FOXP1: variants seen among roughly 807,000 people sequenced by gnomAD.
FOXP1 encodes the protein forkhead box protein P1.
Under a neutral mutation model 98.2 loss-of-function variants are expected in FOXP1, and 15 were observed. The ratio of observed to expected loss-of-function variants is 0.15; its 90% CI spans 0.10 to 0.24. The LOEUF (loss-of-function observed/expected upper bound fraction) is 0.24. Among genes scored for constraint, FOXP1 ranks in the 10% least tolerant of loss-of-function variants. The pLI is 1.00. For missense variants in FOXP1, 633 were observed against 848.5 expected (o/e 0.75, Z 3.15); for synonymous variants, 371 against 314.5 (o/e 1.18, Z -1.90).
intron 3 of FOXP1, among the ~76,000 whole-genome samples, chr3:71,411,280 T>TGTGC (rs2082712628): frequency 3.3e-5 from 1 of 30,734 alleles, no homozygotes; most frequent in Admixed American, 2.8e-4. Context: ...TGAATGGGCG[T>TGTGC]GTGTGTGTGT....
At chr3:71,370,003 T>C (rs1027554419) in intron 3 of FOXP1, among the ~76,000 whole-genome samples, 3 of 152,074 alleles carry the variant, frequency 2.0e-5, no homozygotes, top group African/African-American at 4.8e-5. Context: ...GTGGAAGAAA[T>C]GACCTGCAAG....
intron 2 of FOXP1, chr3:71,580,863 A>G: frequency 1.0e-6 from 1 of 985,432 alleles, no homozygotes; most frequent in Non-Finnish European, 1.2e-6. Context: ...TGCCTTTCAA[A>G]GGGAATCCAG....
At chr3:70,970,870 T>G in intron 18 of FOXP1, 65 bp from the exon 19 acceptor site, 1 of 1,317,138 alleles carries the variant, frequency 7.6e-7, no homozygotes, top group East Asian at 2.3e-5. Context: ...CTAGCTAAGT[T>G]TTGTTTTAAG....
intron 7 of FOXP1, among the ~76,000 whole-genome samples, chr3:71,098,693 G>A (rs981163207): frequency 6.6e-6 from 1 of 152,154 alleles, no homozygotes. Context: ...AAGTGTCTAT[G>A]CTTTATGTCA....
chr3:71,351,118 T>C (rs1380592468), intron 4 of FOXP1, among the ~76,000 whole-genome samples: 3 of 152,112 alleles, frequency 2.0e-5, no homozygotes, highest in Non-Finnish European at 4.4e-5. Context: ...AACAGACTCA[T>C]GAAAGGTTAT....
chr3:71,178,834 A>G (rs1255886444), intron 6 of FOXP1, among the ~76,000 whole-genome samples: 2 of 151,856 alleles, frequency 1.3e-5, no homozygotes, highest in Non-Finnish European at 2.9e-5. Flanking sequence ...CAGTGAGCCA[A>G]GATCGCACCA....
intron 6 of FOXP1, among the ~76,000 whole-genome samples, chr3:71,144,554 G>A (rs528847416): frequency 6.6e-6 from 1 of 152,182 alleles, no homozygotes; most frequent in African/African-American, 2.4e-5. Flanking sequence ...TGGGCAAAAG[G>A]CTGAGCGTGA....
rs2031725915 is a variant in FOXP1 at position 70,956,156 on chromosome 3, T to A, written c.*3091A>T. The A allele has an allele frequency of 4.3e-6, 1 of 233,264 alleles. No homozygotes were observed. Among genetic ancestry groups the A allele is most frequent in the East Asian group, 6.0e-5 (1 of 16,560 alleles). 14.4% of individuals were successfully genotyped at this position (233,264 alleles called of 1,614,324 possible). On this transcript the variant is annotated 3_prime_UTR_variant, in exon 21 of 21. Coordinates refer to ENST00000649528, the MANE Select transcript of FOXP1 (RefSeq NM_001349338.3). ...ACAGGTGTATGCATTTATTCCTTTT[T>A]AGGAACAATATCTAAAAAAAGAACC...
At chr3:71,462,502 T>C (rs2088237683) in intron 3 of FOXP1, among the ~76,000 whole-genome samples, 1 of 152,208 alleles carries the variant, frequency 6.6e-6, no homozygotes, top group Non-Finnish European at 1.5e-5. Context: ...ACTACACAGA[T>C]AAAGTTCTCC....
chr3:71,156,509 G>C (rs574017938), intron 6 of FOXP1, among the ~76,000 whole-genome samples: 6 of 64,936 alleles, frequency 9.2e-5, no homozygotes, highest in Non-Finnish European at 1.5e-4. Context: ...AGCCTGGGAG[G>C]GGGGGAAAAG....
chr3:71,061,792 C>A (rs762720852), intron 7 of FOXP1, among the ~76,000 whole-genome samples: 2 of 152,158 alleles, frequency 1.3e-5, no homozygotes, highest in Non-Finnish European at 2.9e-5. Context: ...TACAACTAAA[C>A]CACATAATAA....
At chr3:71,406,849 C>G (rs2082380857) in intron 3 of FOXP1, among the ~76,000 whole-genome samples, 1 of 152,060 alleles carries the variant, frequency 6.6e-6, no homozygotes, top group South Asian at 2.1e-4. Flanking sequence ...AGTATACAAG[C>G]CTCCTGCTTG....
intron 2 of FOXP1, among the ~76,000 whole-genome samples, chr3:71,562,613 C>T (rs1006678638): frequency 6.6e-6 from 1 of 152,184 alleles, no homozygotes; most frequent in Non-Finnish European, 1.5e-5. Flanking sequence ...ATCCTTACAA[C>T]AACCCAGACA....
At chr3:71,064,453 G>A (rs1280876047) in intron 7 of FOXP1, among the ~76,000 whole-genome samples, 1 of 151,244 alleles carries the variant, frequency 6.6e-6, no homozygotes, top group Non-Finnish European at 1.5e-5. Context: ...AATCGCAAAC[G>A]AAAAAGAGAG....
chr3:71,326,444 C>A (rs990655433), intron 4 of FOXP1, among the ~76,000 whole-genome samples: 2 of 152,116 alleles, frequency 1.3e-5, no homozygotes, highest in African/African-American at 4.8e-5. Flanking sequence ...ACAATAATAA[C>A]AACAACAAAC....
intron 2 of FOXP1, among the ~76,000 whole-genome samples, chr3:71,544,986 G>C (rs917938440): frequency 1.3e-5 from 2 of 152,154 alleles, no homozygotes; most frequent in Non-Finnish European, 2.9e-5. Context: ...CGCTGAATTT[G>C]CTTCTTGAAA....
chr3:71,055,065 G>A (rs569155026), intron 7 of FOXP1, among the ~76,000 whole-genome samples: 118 of 152,274 alleles, frequency 7.7e-4, no homozygotes, highest in Admixed American at 2.2e-3. Context: ...CAGAAATGCA[G>A]TATTAATTTT....
At chr3:71,010,810 C>G (rs1461721232) in intron 12 of FOXP1, among the ~76,000 whole-genome samples, 1 of 151,930 alleles carries the variant, frequency 6.6e-6, no homozygotes, top group African/African-American at 2.4e-5. Context: ...TGATGCATCA[C>G]TCTCTGATGA....
At chr3:71,570,372 A>C (rs2047243711) in intron 2 of FOXP1, 1 of 150,642 alleles carries the variant, frequency 6.6e-6, no homozygotes, top group Non-Finnish European at 1.5e-5. Flanking sequence ...TCATTGTAAG[A>C]CTCTCCCCAA....
Sources: allele counts gnomAD v4.1 joint callset (sites outside exome capture counted in the v4.1 genomes callset), GRCh38; gene constraint gnomAD v4.1.1; transcripts MANE v1.5; gene names NCBI Gene and HGNC (gene_info 2026-07-23, HGNC 2026-07-21).